The following RNF125 variants were observed in gnomAD, a reference collection of about 807,000 sequenced individuals.
RNF125 encodes the protein E3 ubiquitin-protein ligase RNF125.
RNF125 carries 21 observed loss-of-function variants against 26.0 expected under a neutral mutation model. The ratio of observed to expected loss-of-function variants is 0.81; its 90% CI spans 0.57 to 1.16. The LOEUF is 1.16. Among genes scored for constraint, RNF125 ranks in the 50% most tolerant of loss-of-function variants. The pLI is 0.00. For missense variants in RNF125, 270 were observed against 299.4 expected, an observed-to-expected ratio of 0.90 and a Z score of 0.72; for synonymous variants, 95 against 109.2, an observed-to-expected ratio of 0.87 and a Z score of 0.81.
At chr18:32,063,506 A>C (rs150139196) in intron 4 of RNF125, among the ~76,000 whole-genome samples, 7 of 152,358 alleles carry the variant, frequency 4.6e-5, no homozygotes, top group African/African-American at 1.7e-4. Flanking sequence ...TCTGGAAAAC[A>C]GTTTGGCAAT....
the RNF125 span, among the ~76,000 whole-genome samples, chr18:32,079,349 T>G: frequency 6.6e-6 from 1 of 152,238 alleles, no homozygotes; most frequent in African/African-American, 2.4e-5. Flanking sequence ...CTTCAAATAC[T>G]ATCAAATGGT....
In RNF125 at chr18:32,045,633, T is replaced by G; in HGVS notation, c.414-9T>G. On this transcript the variant is annotated splice_polypyrimidine_tract_variant and intron_variant, in intron 3 of 5. Coordinates refer to ENST00000217740, the MANE Select transcript of RNF125 (RefSeq NM_017831.4). ...TTTTAATATTATTTGTATTCTGTGC[T>G]ATTTCCAGGTGTGTATGTCCCTTTT... is the stretch of plus-strand genomic sequence containing the variant. 1 of 1,580,580 alleles carries G rather than the reference T, an allele frequency of 6.3e-7. No homozygotes were observed. The highest frequency in any genetic ancestry group is 8.7e-7 in the Non-Finnish European group (1 of 1,155,574).
downstream of RNF125, among the ~76,000 whole-genome samples, chr18:32,077,661 G>A (rs146612682): frequency 0.015 from 2,310 of 151,360 alleles, 63 homozygotes; most frequent in African/African-American, 0.053. Flanking sequence ...TCGCCGGGCC[G>A]TAAAACCCCA....
chr18:32,031,397 A>T (rs554246269), intron 1 of RNF125: 1 of 151,206 alleles, frequency 6.6e-6, no homozygotes, highest in Admixed American at 6.6e-5. Context: ...AGCCTACAAT[A>T]ATAGGGGATA....
At chr18:32,045,619 T>G in intron 3 of RNF125, 23 bp from the exon 4 acceptor site, 1 of 1,511,846 alleles carries the variant, frequency 6.6e-7, no homozygotes, top group African/African-American at 1.4e-5. Flanking sequence ...TTTAATATTA[T>G]TTGTATTCTG....
chr18:32,083,083 G>A, the RNF125 span, among the ~76,000 whole-genome samples: 1 of 152,164 alleles, frequency 6.6e-6, no homozygotes, highest in Non-Finnish European at 1.5e-5. Context: ...TATTAATTCT[G>A]TCCAGCAACA....
intron 4 of RNF125, among the ~76,000 whole-genome samples, chr18:32,046,378 C>T (rs949181560): frequency 4.6e-5 from 7 of 151,908 alleles, no homozygotes; most frequent in East Asian, 1.9e-4. Context: ...AGGCAGATCA[C>T]GAGGTCAGGA....
intron 1 of RNF125, among the ~76,000 whole-genome samples, chr18:32,034,737 A>T (rs912129833): frequency 6.6e-6 from 1 of 151,790 alleles, no homozygotes; most frequent in African/African-American, 2.4e-5. Context: ...ACATGGCGAA[A>T]CACAGTCGCT....
At chr18:32,084,147 G>A in the RNF125 span, among the ~76,000 whole-genome samples, 5 of 152,212 alleles carry the variant, frequency 3.3e-5, no homozygotes, top group Non-Finnish European at 7.3e-5. Flanking sequence ...CCTGAGGTCA[G>A]GAGTTTGAGA....
chr18:32,078,706 G>T, the RNF125 span, among the ~76,000 whole-genome samples: 3 of 151,992 alleles, frequency 2.0e-5, no homozygotes, highest in Admixed American at 2.0e-4. Context: ...GGGAAGAAAT[G>T]TGTATCTTTA....
Position 32,068,384 on chromosome 18 carries a change from A to C in RNF125, c.699A>C (p.Ter233TyrextTer3). ...ATGTGAATCACTCGAACACCACATA[A>C]TTTTATTAAAACGAAGGGAAAAGGG... The part of the protein sequence containing the change: ...LEYVNHSNTT[*>Y] The change falls in exon 6 of 6, where the codon TAA (stop) becomes TAC (tyrosine). Residue 233 changes from the stop codon to tyrosine, a stop_lost. Coordinates refer to ENST00000217740, the MANE Select transcript of RNF125 (RefSeq NM_017831.4). The C allele has an allele frequency of 6.4e-7, 1 of 1,563,086 alleles. No homozygotes were observed. The highest frequency in any genetic ancestry group is 1.4e-5 in the African/African-American group (1 of 73,988).
chr18:32,052,660 T>G (rs1444448444), intron 4 of RNF125, among the ~76,000 whole-genome samples: 2 of 152,172 alleles, frequency 1.3e-5, no homozygotes, highest in Non-Finnish European at 2.9e-5. Context: ...GGAAGTGTTC[T>G]ATAATCAGCT....
chr18:32,052,070 A>C (rs1284405402), intron 4 of RNF125, among the ~76,000 whole-genome samples: 1 of 152,144 alleles, frequency 6.6e-6, no homozygotes, highest in East Asian at 1.9e-4. Flanking sequence ...GTAAACTGTG[A>C]TGATTACATC....
the RNF125 span, among the ~76,000 whole-genome samples, chr18:32,086,634 C>T: frequency 2.6e-5 from 4 of 152,062 alleles, no homozygotes; most frequent in Non-Finnish European, 5.9e-5. Flanking sequence ...GATTCTCCTG[C>T]CTCAGCCTCC....
At chr18:32,088,605 C>T in the RNF125 span, among the ~76,000 whole-genome samples, 1 of 152,260 alleles carries the variant, frequency 6.6e-6, no homozygotes, top group Admixed American at 6.5e-5. Flanking sequence ...TGGGTTCAAG[C>T]CACTCTTCTG....
intron 4 of RNF125, among the ~76,000 whole-genome samples, chr18:32,064,396 CTTTTTTTTT>C (rs775086863): frequency 8.1e-5 from 7 of 86,862 alleles, no homozygotes; most frequent in Admixed American, 1.6e-4. Context: ...TTTTCTTTTT[CTTTTTTTTT>C]TTTTTTTTTT....
intron 4 of RNF125, among the ~76,000 whole-genome samples, chr18:32,064,764 C>G (rs1459011960): frequency 6.6e-6 from 1 of 152,064 alleles, no homozygotes; most frequent in East Asian, 1.9e-4. Context: ...CTCAAGTAAT[C>G]TACCTGCCTT....
At chr18:32,074,205 A>G (rs1451478721), downstream of RNF125, among the ~76,000 whole-genome samples, 2 of 152,144 alleles carry the variant, frequency 1.3e-5, no homozygotes, top group Non-Finnish European at 2.9e-5. Context: ...TGGCATTTGT[A>G]TATCACTGTG....
At chr18:32,025,568 G>C (rs929465148) in intron 1 of RNF125, among the ~76,000 whole-genome samples, 6 of 151,434 alleles carry the variant, frequency 4.0e-5, no homozygotes, top group African/African-American at 1.5e-4. Flanking sequence ...AGGAGGCTGA[G>C]GCAGGAGAAT....
Sources: gnomAD v4.1 joint callset for allele counts (sites outside exome capture counted in the v4.1 genomes callset) on GRCh38, gnomAD v4.1.1 for gene constraint, MANE v1.5 for transcripts, NCBI Gene and HGNC (gene_info 2026-07-23, HGNC 2026-07-21) for gene names.